IGF2R: variants seen among roughly 807,000 people sequenced by gnomAD.
IGF2R encodes the protein insulin like growth factor 2 receptor.
Under a neutral mutation model 270.6 loss-of-function variants are expected in IGF2R, and 91 were observed. The observed-to-expected ratio is 0.34, with a 90% CI of 0.28 to 0.40. IGF2R has a LOEUF of 0.40. IGF2R is among the 10% of genes least tolerant of loss of function. The probability of loss-of-function intolerance (pLI) is 1.00; values close to 1 mark genes in which losing one functional copy is unlikely to be tolerated. For synonymous variants in IGF2R, 1,316 were observed against 1,258.9 expected (o/e 1.05, Z -0.96); for missense variants, 2,805 against 3,188.3 (o/e 0.88, Z 2.90).
chr6:160,071,322 GGCTGGACT>G (rs1778733389), intron 31 of IGF2R, among the ~76,000 whole-genome samples: 1 of 152,090 alleles, frequency 6.6e-6, no homozygotes, highest in African/African-American at 2.4e-5. Context: ...GGGCCTGGGA[GGCTGGACT>G]GCAGCGTGGC....
At position 160,032,981 on chromosome 6, in the gene IGF2R, A is replaced by G; in HGVS notation, c.1085A>G (p.Tyr362Cys). ...YISDGKEYLF[Y>C]LNVCGETEIQ... Reference sequence around the variant, plus strand: ...TCAGATGGAAAAGAATATTTGTTTTATTTGAATGTCTGTGGAGAAACTGAA... The same window carrying G: ...TCAGATGGAAAAGAATATTTGTTTTGTTTGAATGTCTGTGGAGAAACTGAA... Residue 362 changes from tyrosine (Y) to cysteine (C), a missense_variant, in exon 9 of 48, where the codon TAT (tyrosine) becomes TGT (cysteine). Tyr to Cys is a radical substitution (Grantham distance 194). This residue lies in a region of IGF2R where 954 missense variants were observed against 981.1 expected (regional missense o/e 0.97). Coordinates refer to ENST00000356956, the MANE Select transcript of IGF2R (RefSeq NM_000876.4). The G allele has an allele frequency of 6.2e-7, 1 of 1,602,700 alleles. No individual in the cohort carries two copies. The highest frequency in any genetic ancestry group is 8.5e-7 in the Non-Finnish European group (1 of 1,169,954).
intron 44 of IGF2R, chr6:160,093,808 G>A: frequency 2.7e-6 from 2 of 735,966 alleles, no homozygotes; most frequent in East Asian, 2.6e-5. Context: ...CTCGTGATGA[G>A]CTGTTAAGGG....
rs765910680 is a variant in IGF2R at position 160,024,401 on chromosome 6, C to T, written c.514-171C>T. 1.9e-4 allele frequency among the ~76,000 whole-genome samples: 29 copies of T among 152,226 alleles called. 1 individual carries two copies. Among genetic ancestry groups the T allele is most frequent in the Middle Eastern group, 3.4e-3 (1 of 294 alleles). On this transcript the variant is annotated intron_variant, in intron 4 of 47. Coordinates refer to ENST00000356956, the MANE Select transcript of IGF2R (RefSeq NM_000876.4). ...AAGAGAGAAGAGATACCGAAAAGAA[C>T]GCAGAGGAGCCAAGACGTTTATTGA...
intron 1 of IGF2R, among the ~76,000 whole-genome samples, chr6:159,969,938 GAA>G (rs895429035): frequency 2.0e-5 from 3 of 149,614 alleles, no homozygotes; most frequent in Non-Finnish European, 4.5e-5. Flanking sequence ...TCTCTTTAAA[GAA>G]TATATATATA....
chr6:159,979,974 G>A (rs1340472561), intron 1 of IGF2R, among the ~76,000 whole-genome samples: 1 of 152,056 alleles, frequency 6.6e-6, no homozygotes, highest in East Asian at 1.9e-4. Flanking sequence ...GGTGGATCAC[G>A]AGGTCAGGAG....
At chr6:160,080,930 G>C (rs1778966741) in intron 39 of IGF2R, among the ~76,000 whole-genome samples, 1 of 150,390 alleles carries the variant, frequency 6.6e-6, no homozygotes, top group Admixed American at 6.6e-5. Flanking sequence ...ATCCTGGCTA[G>C]CATGGTGAAA....
At chr6:160,046,404 G>T in intron 14 of IGF2R, 94 bp from the exon 15 acceptor site, 2 of 1,285,750 alleles carry the variant, frequency 1.6e-6, no homozygotes, top group East Asian at 2.4e-5. Context: ...GAACCTCCTG[G>T]GAAGAACCTC....
intron 4 of IGF2R, among the ~76,000 whole-genome samples, chr6:160,020,527 A>G (rs1318319746): frequency 6.6e-6 from 1 of 152,206 alleles, no homozygotes; most frequent in African/African-American, 2.4e-5. Flanking sequence ...GAGGCATCAC[A>G]ATACCCACCT....
intron 44 of IGF2R, chr6:160,094,216 A>G (rs1373592994): frequency 5.9e-6 from 2 of 341,478 alleles, no homozygotes; most frequent in African/African-American, 2.1e-5. Flanking sequence ...TCTTCTCAGT[A>G]TCCATTCGCC....
chr6:160,080,057 C>CAAG, intron 38 of IGF2R, 72 bp from the exon 39 acceptor site: 1 of 1,550,504 alleles, frequency 6.4e-7, no homozygotes, highest in Non-Finnish European at 8.8e-7. Context: ...TTAGGGACTG[C>CAAG]TGCTGCATTC....
In IGF2R at chr6:160,109,114, G is replaced by A. The variant is rs368063152; in HGVS notation, c.*4030G>A. 72 of 152,316 alleles carry A rather than the reference G, an allele frequency of 4.7e-4. No homozygotes were observed. The highest frequency in any genetic ancestry group is 1.7e-3 in the African/African-American group (71 of 41,534). 9.4% of individuals were successfully genotyped at this position (152,316 alleles called of 1,614,324 possible). A position where few individuals can be genotyped will look rare whatever the true frequency, so the allele number is the denominator to read the frequency against. On this transcript the variant is annotated 3_prime_UTR_variant, in exon 48 of 48. Transcript: ENST00000356956. ...AATTGAATAAAAAGTAATTGATAAT[G>A]TTGTTTTGATGCTCAGTGTTTGAGG...
chr6:160,085,772 G>A (rs959863491), intron 41 of IGF2R, among the ~76,000 whole-genome samples: 3 of 152,214 alleles, frequency 2.0e-5, no homozygotes, highest in African/African-American at 7.2e-5. Flanking sequence ...AGCTTGAGAT[G>A]TTGAGATGGA....
chr6:160,049,474 G>C (rs773014717), intron 18 of IGF2R, among the ~76,000 whole-genome samples: 11 of 152,178 alleles, frequency 7.2e-5, no homozygotes, highest in Non-Finnish European at 1.5e-4. Context: ...GCAGGGGATG[G>C]AGAGGGCGAG....
rs1431468621 is a variant in IGF2R, at chr6:159,969,151, G to A, written c.-96G>A. 3 of 718,822 alleles carry A rather than the reference G, an allele frequency of 4.2e-6. No homozygotes were observed. The African/African-American group carries it at 5.8e-5, about 14-fold the overall frequency. The allele number at this position is 718,822 out of a possible 1,614,324, so 44.5% of individuals were successfully genotyped here. Reference sequence around the variant, plus strand: ...GGGCTCCCGCTCCGTCTCCACCTCCGCCTTTGCCCTGGCGGCGCGACCCCG... The same window carrying A: ...GGGCTCCCGCTCCGTCTCCACCTCCACCTTTGCCCTGGCGGCGCGACCCCG... On this transcript the variant is annotated 5_prime_UTR_variant, in exon 1 of 48. Coordinates refer to ENST00000356956, the MANE Select transcript of IGF2R (RefSeq NM_000876.4).
rs745408671 is a variant in IGF2R at position 160,072,881 on chromosome 6, G to A, written c.4687G>A (p.Val1563Met). 56 of 1,611,234 alleles carry A rather than the reference G, an allele frequency of 3.5e-5. No homozygotes were observed. The Middle Eastern group carries it at 4.5e-3, about 128-fold the overall frequency. ...CGENENCPPGVGACFGQTRIS... is the reference protein window; with the variant it reads ...CGENENCPPGMGACFGQTRIS... ...GGAGAATGAAAACTGCCCTCCTGGCGTGGGTGAGTGCTGTGGTCTCTCGTG... is the reference window on the plus strand; with the variant it reads ...GGAGAATGAAAACTGCCCTCCTGGCATGGGTGAGTGCTGTGGTCTCTCGTG... The change falls in exon 33 of 48, where the codon GTG (valine) becomes ATG (methionine). Residue 1563 changes from valine (V) to methionine (M), a missense_variant. Val to Met is a conservative substitution (Grantham distance 21). This residue lies in a region of IGF2R where 1,851 missense variants were observed against 2,207.2 expected (regional missense o/e 0.84). Transcript: ENST00000356956.
intron 31 of IGF2R, among the ~76,000 whole-genome samples, chr6:160,071,268 G>T (rs1778729532): frequency 1.4e-5 from 2 of 138,856 alleles, no homozygotes. Flanking sequence ...GGGCCCAGGA[G>T]GCTGGGAGGG....
chr6:160,089,937 C>A lies in IGF2R; in HGVS notation c.6489C>A (p.Asp2163Glu). The change falls in exon 44 of 48, where the codon GAC becomes GAA. Residue 2163 changes from aspartate (D) to glutamate (E), a missense_variant. This residue lies in a region of IGF2R where 1,851 missense variants were observed against 2,207.2 expected (regional missense o/e 0.84). Coordinates refer to ENST00000356956, the MANE Select transcript of IGF2R (RefSeq NM_000876.4). ...IYFKLFRASG[D>E]MRTNGDNYLY... ...TCAGGCTGTTCAGAGCCTCTGGGGA[C>A]ATGAGGACCAATGGGGACAACTACC... 6.3e-7 allele frequency: 1 copy of A among 1,591,878 alleles called. No individual in the cohort carries two copies.
At chr6:159,976,508 T>G (rs879865610) in intron 1 of IGF2R, among the ~76,000 whole-genome samples, 3 of 152,166 alleles carry the variant, frequency 2.0e-5, no homozygotes, top group Non-Finnish European at 4.4e-5. Context: ...ACTCAGTAAC[T>G]TCTACATCAT....
chr6:159,975,123 CG>C (rs1410032372), intron 1 of IGF2R, among the ~76,000 whole-genome samples: 4 of 152,094 alleles, frequency 2.6e-5, no homozygotes, highest in Non-Finnish European at 4.4e-5. Flanking sequence ...TTCCCGAGAC[CG>C]CTCCCCACCC....
Sources: allele counts gnomAD v4.1 joint callset (sites outside exome capture counted in the v4.1 genomes callset), GRCh38; gene constraint gnomAD v4.1.1; regional missense constraint gnomAD v4.1.1; transcripts MANE v1.5; gene names NCBI Gene and HGNC (gene_info 2026-07-23, HGNC 2026-07-21).